PCDH9: variants seen among roughly 807,000 people sequenced by gnomAD.
PCDH9 encodes protocadherin-9.
PCDH9 carries 24 observed loss-of-function variants against 70.6 expected under a neutral mutation model. That is an observed-to-expected ratio of 0.34 (90% CI 0.25 to 0.48). PCDH9 has a LOEUF of 0.48. PCDH9 is among the 20% of genes least tolerant of loss of function. PCDH9 has a pLI of 0.99. For missense variants in PCDH9, 1,281 were observed against 1,503.6 expected (o/e 0.85, Z 2.45); for synonymous variants, 562 against 558.5 (o/e 1.01, Z -0.09).
intron 3 of PCDH9, among the ~76,000 whole-genome samples, chr13:66,806,569 C>T (rs2080413520): frequency 6.6e-6 from 1 of 152,116 alleles, no homozygotes; most frequent in Non-Finnish European, 1.5e-5. Flanking sequence ...TTCTACAGCC[C>T]ACACATACTC....
At chr13:67,159,198 G>T (rs1452101705) in intron 2 of PCDH9, among the ~76,000 whole-genome samples, 1 of 152,184 alleles carries the variant, frequency 6.6e-6, no homozygotes, top group Non-Finnish European at 1.5e-5. Flanking sequence ...CAAGAGGGTT[G>T]CCCTATAAGG....
chr13:66,920,485 T>C (rs1386974856), intron 2 of PCDH9, among the ~76,000 whole-genome samples: 1 of 150,970 alleles, frequency 6.6e-6, no homozygotes, highest in Non-Finnish European at 1.5e-5. Context: ...CTGAGGTGGT[T>C]TACCTCAGCA....
At chr13:66,855,640 ATG>A (rs1200714399) in intron 3 of PCDH9, among the ~76,000 whole-genome samples, 7 of 151,956 alleles carry the variant, frequency 4.6e-5, no homozygotes, top group South Asian at 2.1e-4. Flanking sequence ...CCTCTTAATT[ATG>A]TGTTATTATT....
At chr13:66,984,691 G>A (rs73211137) in intron 2 of PCDH9, among the ~76,000 whole-genome samples, 2,495 of 152,182 alleles carry the variant, frequency 0.016, 35 homozygotes, top group Middle Eastern at 0.031. Context: ...ATGATGAATT[G>A]CAAAGGGAAT....
intron 4 of PCDH9, among the ~76,000 whole-genome samples, chr13:66,349,675 A>G (rs1401087229): frequency 3.3e-5 from 5 of 152,160 alleles, no homozygotes; most frequent in Non-Finnish European, 7.3e-5. Context: ...TCCCCAAAGC[A>G]GCGGTGCTAC....
At chr13:66,330,414 C>G (rs1194512201) in intron 4 of PCDH9, among the ~76,000 whole-genome samples, 1 of 152,170 alleles carries the variant, frequency 6.6e-6, no homozygotes, top group Non-Finnish European at 1.5e-5. Flanking sequence ...AATTCAGCAC[C>G]CACCATAAGC....
chr13:66,732,029 AT>A (rs2079086155), intron 3 of PCDH9, among the ~76,000 whole-genome samples: 2 of 151,952 alleles, frequency 1.3e-5, no homozygotes, highest in African/African-American at 2.4e-5. Context: ...TTTGACATGT[AT>A]TTTCCTTCCA....
intron 3 of PCDH9, among the ~76,000 whole-genome samples, chr13:66,707,762 C>A (rs944946732): frequency 1.3e-5 from 2 of 152,152 alleles, no homozygotes; most frequent in Admixed American, 6.5e-5. Context: ...CATTATTTAA[C>A]ATTTATTGAA....
intron 3 of PCDH9, among the ~76,000 whole-genome samples, chr13:66,755,700 G>C (rs1427338639): frequency 6.6e-6 from 1 of 152,064 alleles, no homozygotes; most frequent in African/African-American, 2.4e-5. Context: ...GGTAAATGGG[G>C]TGGGGAAATC....
At chr13:66,314,742 A>G (rs890629422) in intron 4 of PCDH9, among the ~76,000 whole-genome samples, 3 of 152,204 alleles carry the variant, frequency 2.0e-5, no homozygotes, top group Non-Finnish European at 2.9e-5. Context: ...TCAATGCAGG[A>G]AAAAAGGTAT....
intron 2 of PCDH9, among the ~76,000 whole-genome samples, chr13:66,910,693 T>A (rs751480866): frequency 6.6e-6 from 1 of 152,172 alleles, no homozygotes; most frequent in Non-Finnish European, 1.5e-5. Context: ...GATTTAATGG[T>A]CTCTATCATA....
chr13:66,839,529 T>G (rs2081080658), intron 3 of PCDH9, among the ~76,000 whole-genome samples: 1 of 152,252 alleles, frequency 6.6e-6, no homozygotes, highest in Admixed American at 6.5e-5. Flanking sequence ...GTACTTGCAG[T>G]GGCCTTTGCC....
At chr13:66,493,480 A>T (rs1385424837) in intron 4 of PCDH9, among the ~76,000 whole-genome samples, 3 of 152,158 alleles carry the variant, frequency 2.0e-5, no homozygotes, top group Non-Finnish European at 4.4e-5. Flanking sequence ...ATATTTTTGA[A>T]ATTATTCACT....
At chr13:66,692,820 A>T (rs1179478411) in intron 3 of PCDH9, among the ~76,000 whole-genome samples, 1 of 152,090 alleles carries the variant, frequency 6.6e-6, no homozygotes, top group Non-Finnish European at 1.5e-5. Context: ...GAAGAATGGA[A>T]TTATATACGA....
chr13:67,173,925 T>G lies in PCDH9; in HGVS notation c.3036+51480A>C, dbSNP rs560789452. ...TCAAAAGCTAACTCTTTTCAACAAC[T>G]TAGGGACAGGTTTTGCTTCTCAAAT... On this transcript the variant is annotated intron_variant, in intron 2 of 4. Coordinates refer to ENST00000377865, the MANE Select transcript of PCDH9 (RefSeq NM_203487.3). Among the ~76,000 whole-genome samples, 2 of 152,252 alleles carry G rather than the reference T, an allele frequency of 1.3e-5. 1 individual carries two copies. Among genetic ancestry groups the G allele is most frequent in the East Asian group, 3.9e-4 (2 of 5,180 alleles).
At chr13:66,894,292 A>AG (rs1220828882) in intron 3 of PCDH9, among the ~76,000 whole-genome samples, 3 of 151,250 alleles carry the variant, frequency 2.0e-5, no homozygotes, top group Non-Finnish European at 2.9e-5. Flanking sequence ...AACTATCTAA[A>AG]GAAAAAAAAA....
At chr13:66,596,970 G>A (rs1453799495) in intron 4 of PCDH9, among the ~76,000 whole-genome samples, 1 of 151,192 alleles carries the variant, frequency 6.6e-6, no homozygotes, top group Non-Finnish European at 1.5e-5. Flanking sequence ...TATAGCGTTA[G>A]GTAGGGGTCA....
Position 66,444,810 on chromosome 13 carries a change from C to T in PCDH9, c.3341-139782G>A, listed in dbSNP as rs572415847. Reference sequence around the variant, plus strand: ...CCCTGACCTCAGGTGATCCGCCTTCCCCGGCCTCCCAAAGTGCTGGGATTA... The same window carrying T: ...CCCTGACCTCAGGTGATCCGCCTTCTCCGGCCTCCCAAAGTGCTGGGATTA... On this transcript the variant is annotated intron_variant, in intron 4 of 4. Transcript: ENST00000377865. Among the ~76,000 whole-genome samples, 40 of 152,086 alleles carry T rather than the reference C, an allele frequency of 2.6e-4. No homozygotes were observed. The South Asian group carries it at 7.3e-3, about 28-fold the overall frequency.
Position 66,849,486 on chromosome 13 carries a change from GTATATATATATA to G in PCDH9, c.3138+54006_3138+54017del, listed in dbSNP as rs144181181. On this transcript the variant is annotated intron_variant, in intron 3 of 4. Transcript: ENST00000377865. ...TGACATCTATGACAATCATAGGTAGGTATATATATATATATATATATATATATATATAGAGAG... is the reference window on the plus strand; with the variant it reads ...TGACATCTATGACAATCATAGGTAGGTATATATATATATATATATAGAGAG... Among the ~76,000 whole-genome samples the G allele has an allele frequency of 5.0e-4, 45 of 90,260 alleles. No individual in the cohort carries two copies. The East Asian group carries it at 0.012, about 24-fold the overall frequency. The allele number at this position is 90,260 out of a possible 152,430, so 59.2% of individuals were successfully genotyped here.
Sources: allele counts gnomAD v4.1 joint callset (sites outside exome capture counted in the v4.1 genomes callset), GRCh38; gene constraint gnomAD v4.1.1; transcripts MANE v1.5; gene names NCBI Gene and HGNC (gene_info 2026-07-23, HGNC 2026-07-21).